WNK2: variants seen among roughly 807,000 people sequenced by gnomAD.
The protein encoded by WNK2 is WNK lysine deficient protein kinase 2.
A neutral mutation model predicts 192.1 loss-of-function variants in WNK2; 67 were observed. The observed-to-expected ratio is 0.35, with a 90% CI of 0.29 to 0.43. The LOEUF is 0.43. WNK2 is among the 20% of genes least tolerant of loss of function. The pLI is 1.00. For missense variants in WNK2, 2,698 were observed against 3,089.7 expected, an observed-to-expected ratio of 0.87 and a Z score of 3.01; for synonymous variants, 1,439 against 1,393.9, an observed-to-expected ratio of 1.03 and a Z score of -0.72.
At position 93,263,923 on chromosome 9, in the gene WNK2, A is replaced by G; in HGVS notation, c.3586A>G (p.Asn1196Asp). ...CTGATGCTGCCCCTTCCAGGTGTGC[A>G]ACACTGGGGACAAGATGGTGGAGTG... ...RPRLTILNVC[N>D]TGDKMVECQL... is the part of the protein sequence containing the mutation. The change falls in exon 16 of 30, where the codon AAC (asparagine) becomes GAC (aspartate). Residue 1196 changes from asparagine (N) to aspartate (D), a missense_variant. Asn to Asp is a conservative substitution (Grantham distance 23). Around this residue, in one of 7 missense-constraint regions of WNK2, gnomAD observed 893 missense variants for 909.0 expected, o/e 0.98. Coordinates refer to ENST00000427277, the MANE Select transcript of WNK2 (RefSeq NM_006648.4). The G allele has an allele frequency of 6.2e-7, 1 of 1,612,492 alleles. No homozygotes were observed. Among genetic ancestry groups the G allele is most frequent in the South Asian group, 1.1e-5 (1 of 90,978 alleles).
At chr9:93,191,537 G>T (rs1830327619) in intron 2 of WNK2, among the ~76,000 whole-genome samples, 1 of 152,050 alleles carries the variant, frequency 6.6e-6, no homozygotes, top group Non-Finnish European at 1.5e-5. Flanking sequence ...GTTTTGACAG[G>T]ATCTCTCTGG....
intron 10 of WNK2, 127 bp from the exon 11 acceptor site, chr9:93,256,821 T>G: frequency 2.4e-6 from 2 of 847,094 alleles, no homozygotes; most frequent in African/African-American, 1.7e-5. Context: ...TGTGCAGGCA[T>G]GTGTGAATGT....
chr9:93,313,059 T>A (rs1295916568), intron 28 of WNK2, among the ~76,000 whole-genome samples: 1 of 152,226 alleles, frequency 6.6e-6, no homozygotes, highest in Non-Finnish European at 1.5e-5. Context: ...CCTTCATAAT[T>A]CCTATCTGTT....
In WNK2 at chr9:93,221,799, G is replaced by A. The variant is rs529032131; in HGVS notation, c.682-7897G>A. Among the ~76,000 whole-genome samples the A allele has an allele frequency of 9.9e-5, 15 of 152,282 alleles. 1 individual carries two copies. The South Asian group carries it at 2.9e-3, about 29-fold the overall frequency. On this transcript the variant is annotated intron_variant, in intron 2 of 29. Coordinates refer to ENST00000427277, the MANE Select transcript of WNK2 (RefSeq NM_006648.4). ...AGAGGCTTTCGGGAAGAGCCGCGTC[G>A]TGTCCATCACCTCCGTGGGAATGGA... is the stretch of plus-strand genomic sequence containing the variant.
At chr9:93,197,034 T>G (rs1206026769) in intron 2 of WNK2, among the ~76,000 whole-genome samples, 1 of 152,234 alleles carries the variant, frequency 6.6e-6, no homozygotes, top group Non-Finnish European at 1.5e-5. Flanking sequence ...CCCTACCCTC[T>G]GTGCCAACCC....
intron 11 of WNK2, among the ~76,000 whole-genome samples, chr9:93,258,663 A>G (rs1843696915): frequency 6.6e-6 from 1 of 152,090 alleles, no homozygotes; most frequent in Non-Finnish European, 1.5e-5. Flanking sequence ...GCGCTGGACC[A>G]GGGGTGATCG....
intron 27 of WNK2, 38 bp from the exon 28 acceptor site, chr9:93,308,290 G>A (rs1292758683): frequency 6.5e-7 from 1 of 1,537,166 alleles, no homozygotes; most frequent in East Asian, 2.5e-5. Context: ...GGGTGCGTGT[G>A]TGGCGTCACC....
At chr9:93,202,487 C>A (rs538383056) in intron 2 of WNK2, among the ~76,000 whole-genome samples, 1 of 152,114 alleles carries the variant, frequency 6.6e-6, no homozygotes, top group Admixed American at 6.5e-5. Context: ...GCGGTCAGCC[C>A]GGCCCTACCA....
rs183052184 is a variant in WNK2 at position 93,307,078 on chromosome 9, C to T, written c.6259+257C>T. On this transcript the variant is annotated intron_variant, in intron 27 of 29. Transcript: ENST00000427277. Reference sequence around the variant, plus strand: ...CACATCTAACGGGCTTATCCTTCCCCGGAACACCCGCAAATTGCCGATCAT... The same window carrying T: ...CACATCTAACGGGCTTATCCTTCCCTGGAACACCCGCAAATTGCCGATCAT... 156 of 546,466 alleles carry T rather than the reference C, an allele frequency of 2.9e-4. 1 individual carries two copies. The highest frequency in any genetic ancestry group is 7.2e-5 in the Non-Finnish European group (22 of 304,616). The allele number at this position is 546,466 out of a possible 1,614,324, so 33.9% of individuals were successfully genotyped here.
intron 16 of WNK2, 99 bp from the exon 17 acceptor site, chr9:93,267,647 T>TG: frequency 7.3e-7 from 1 of 1,362,212 alleles, no homozygotes; most frequent in Non-Finnish European, 9.9e-7. Flanking sequence ...ATTCTTCCCT[T>TG]GGGGCCTGGT....
In WNK2 at chr9:93,229,715, T is replaced by A; in HGVS notation, c.701T>A (p.Leu234Gln). The change falls in exon 3 of 30, where the codon CTG becomes CAG. Residue 234 changes from leucine to glutamine, a missense_variant. Transcript: ENST00000427277. This position sits in a 1 kb window ranked among gnomAD's most constrained non-coding sequence, Gnocchi z 4.9. Reference sequence around the variant, plus strand: ...CTGTAGGACCGGAAGCTCACCAAGCTGGAGCGGCAGCGGTTCAAGGAAGAG... The same window carrying A: ...CTGTAGGACCGGAAGCTCACCAAGCAGGAGCGGCAGCGGTTCAAGGAAGAG... ...CELQDRKLTK[L>Q]ERQRFKEEAE... 1 of 1,613,402 alleles carries A rather than the reference T, an allele frequency of 6.2e-7. No homozygotes were observed.
At chr9:93,277,970 G>T (rs1000425705) in intron 19 of WNK2, among the ~76,000 whole-genome samples, 16 of 152,114 alleles carry the variant, frequency 1.1e-4, no homozygotes, top group African/African-American at 3.4e-4. Flanking sequence ...TTCTGCTTTA[G>T]GCCAAGATGG....
intron 16 of WNK2, 50 bp from the exon 17 acceptor site, chr9:93,267,696 G>A: frequency 6.7e-7 from 1 of 1,502,544 alleles, no homozygotes; most frequent in Non-Finnish European, 9.0e-7. Flanking sequence ...AAGACCTAGG[G>A]TGGTCTTGGC....
chr9:93,240,656 G>A (rs932966366), intron 7 of WNK2, among the ~76,000 whole-genome samples: 14 of 152,240 alleles, frequency 9.2e-5, no homozygotes, highest in African/African-American at 3.4e-4. Context: ...TGGTCCAGGT[G>A]CAGTGGTAGG....
intron 2 of WNK2, among the ~76,000 whole-genome samples, chr9:93,215,148 G>A (rs1381788422): frequency 6.6e-6 from 1 of 151,966 alleles, no homozygotes; most frequent in Non-Finnish European, 1.5e-5. Context: ...TTGAGATGGA[G>A]TCTTGCTCTG....
At chr9:93,209,702 G>C (rs539230676) in intron 2 of WNK2, among the ~76,000 whole-genome samples, 1 of 152,304 alleles carries the variant, frequency 6.6e-6, no homozygotes, top group Admixed American at 6.5e-5. Flanking sequence ...TCTGAGCCAG[G>C]CCTGCTGGTG....
Position 93,259,563 on chromosome 9 carries a change from C to G in WNK2, c.3015C>G (p.Leu1005=). ...CACTGCCTGTGCGCCCTGAGCCCCT[C>G]CAGCCCCACCTTCCTGAACAAGCTG... ...QPALPVRPEP[L]QPHLPEQAAP... Residue 1005 remains leucine (L), a synonymous_variant, in exon 12 of 30, where the codon CTC becomes CTG. Coordinates refer to ENST00000427277, the MANE Select transcript of WNK2 (RefSeq NM_006648.4). The surrounding 1 kb of genome is among the most constrained non-coding windows in gnomAD (Gnocchi z 4.8). The G allele has an allele frequency of 6.3e-7, 1 of 1,594,462 alleles. No individual in the cohort carries two copies. Among genetic ancestry groups the G allele is most frequent in the Non-Finnish European group, 8.5e-7 (1 of 1,177,132 alleles).
chr9:93,252,276 A>G (rs533813809), intron 8 of WNK2, among the ~76,000 whole-genome samples: 1 of 152,278 alleles, frequency 6.6e-6, no homozygotes, highest in Admixed American at 6.5e-5. Context: ...GGCCAGCCTG[A>G]GCCATGCGAG....
intron 28 of WNK2, chr9:93,309,280 C>T (rs1375435484): frequency 3.1e-6 from 1 of 321,250 alleles, no homozygotes; most frequent in African/African-American, 2.2e-5. Flanking sequence ...ATTTTTCAAA[C>T]AGAAGAGTGA....
Sources: allele counts gnomAD v4.1 joint callset (sites outside exome capture counted in the v4.1 genomes callset), GRCh38; gene constraint gnomAD v4.1.1; regional missense constraint gnomAD v4.1.1; non-coding constraint Gnocchi (gnomAD v3.1); transcripts MANE v1.5; gene names NCBI Gene and HGNC (gene_info 2026-07-23, HGNC 2026-07-21).